Variants in SFRP1 observed in about 807,000 individuals in gnomAD.
The protein encoded by SFRP1 is secreted frizzled related protein 1, also known as secreted frizzled-related protein 1.
SFRP1 carries 9 observed loss-of-function variants against 25.9 expected under a neutral mutation model. The observed-to-expected ratio is 0.35, with a 90% CI of 0.21 to 0.61. SFRP1 has a LOEUF of 0.61. Ranked by LOEUF, SFRP1 falls within the 20% of genes least tolerant of loss-of-function variation. The pLI is 0.78. For missense variants in SFRP1, 346 were observed against 418.2 expected, an observed-to-expected ratio of 0.83 and a Z score of 1.51; for synonymous variants, 178 against 174.0, an observed-to-expected ratio of 1.02 and a Z score of -0.18.
intron 1 of SFRP1, among the ~76,000 whole-genome samples, chr8:41,304,787 A>T (rs1055044270): frequency 6.6e-6 from 1 of 151,268 alleles, no homozygotes; most frequent in Non-Finnish European, 1.5e-5. Context: ...CCCATAGACC[A>T]CTCCCTACTT....
Position 41,308,727 on chromosome 8 carries a change from G to T in SFRP1, c.433C>A (p.Gln145Lys). ...TCGGGCCAGTAGAAGCCGAAGAACT[G>T]CATGACCGGCTCGCACGAGTCGCGC... The part of the protein sequence containing the change: ...AVRDSCEPVM[Q>K]FFGFYWPEML... The change falls in exon 1 of 3, where the codon CAG (glutamine) becomes AAG (lysine). Residue 145 changes from glutamine to lysine, a missense_variant. Gln to Lys is a moderately conservative substitution (Grantham distance 53). Coordinates refer to ENST00000220772, the MANE Select transcript of SFRP1 (RefSeq NM_003012.5). 1 of 1,610,606 alleles carries T rather than the reference G, an allele frequency of 6.2e-7. No individual in the cohort carries two copies. Among genetic ancestry groups the T allele is most frequent in the Non-Finnish European group, 8.5e-7 (1 of 1,178,458 alleles).
chr8:41,284,665 C>T (rs183248150), intron 2 of SFRP1, among the ~76,000 whole-genome samples: 15 of 152,314 alleles, frequency 9.8e-5, no homozygotes, highest in Admixed American at 6.5e-4. Context: ...GCCTGCAGGG[C>T]CCACACCTGC....
At chr8:41,306,763 C>G (rs767952769) in intron 1 of SFRP1, 1 of 1,598,076 alleles carries the variant, frequency 6.3e-7, no homozygotes, top group East Asian at 2.2e-5. Flanking sequence ...GAGGACGGTT[C>G]CAAGCCAGGC....
At chr8:41,279,271 G>A (rs943389472) in intron 2 of SFRP1, among the ~76,000 whole-genome samples, 3 of 152,182 alleles carry the variant, frequency 2.0e-5, no homozygotes, top group Middle Eastern at 3.4e-3. Flanking sequence ...AGACTCACTC[G>A]CCAGACTGGA....
intron 2 of SFRP1, among the ~76,000 whole-genome samples, chr8:41,266,542 T>C (rs1803437916): frequency 6.6e-6 from 1 of 151,486 alleles, no homozygotes; most frequent in Non-Finnish European, 1.5e-5. Context: ...CTCAAGCAAT[T>C]CTCCCACCTC....
At chr8:41,274,406 G>T (rs1803547795) in intron 2 of SFRP1, among the ~76,000 whole-genome samples, 1 of 152,090 alleles carries the variant, frequency 6.6e-6, no homozygotes, top group Admixed American at 6.6e-5. Flanking sequence ...AAAACAAAAT[G>T]ATGTAAAAGA....
At chr8:41,281,432 A>C (rs1311013781) in intron 2 of SFRP1, among the ~76,000 whole-genome samples, 1 of 152,246 alleles carries the variant, frequency 6.6e-6, no homozygotes, top group Non-Finnish European at 1.5e-5. Context: ...GACAAATGTC[A>C]GCTTGCACTC....
At chr8:41,307,464 AG>A (rs1198478909) in intron 1 of SFRP1, among the ~76,000 whole-genome samples, 1 of 152,146 alleles carries the variant, frequency 6.6e-6, no homozygotes, top group East Asian at 1.9e-4. Flanking sequence ...TCAATAACAG[AG>A]GTTAAAGACA....
intron 2 of SFRP1, among the ~76,000 whole-genome samples, chr8:41,269,555 A>G (rs1306814902): frequency 6.6e-6 from 1 of 152,186 alleles, no homozygotes; most frequent in Non-Finnish European, 1.5e-5. Flanking sequence ...TTATTTGGGA[A>G]GCTGAAATGA....
At chr8:41,277,220 C>G (rs1042185446) in intron 2 of SFRP1, among the ~76,000 whole-genome samples, 1 of 151,576 alleles carries the variant, frequency 6.6e-6, no homozygotes, top group Non-Finnish European at 1.5e-5. Context: ...CCCAGCCCCC[C>G]ACCCTCACCA....
rs548596413 is a variant in SFRP1 at position 41,277,463 on chromosome 8, G to A, written c.623-11974C>T. Among the ~76,000 whole-genome samples, 9 of 152,250 alleles carry A rather than the reference G, an allele frequency of 5.9e-5. No individual in the cohort carries two copies. The South Asian group carries it at 1.9e-3, about 32-fold the overall frequency. The stretch of plus-strand genomic sequence containing the variant: ...CCTGGGAGGGAAAAGATGGGGAGTG[G>A]GCTACAGAAAAGGCAAAAACTATCC... On this transcript the variant is annotated intron_variant, in intron 2 of 2. Coordinates refer to ENST00000220772, the MANE Select transcript of SFRP1 (RefSeq NM_003012.5).
At chr8:41,273,416 C>T (rs1398762030) in intron 2 of SFRP1, among the ~76,000 whole-genome samples, 1 of 151,846 alleles carries the variant, frequency 6.6e-6, no homozygotes, top group Non-Finnish European at 1.5e-5. Flanking sequence ...TGCTTGAACT[C>T]GGGAGGCAGA....
chr8:41,276,991 CCTG>C (rs1334816915), intron 2 of SFRP1: 9 of 456,238 alleles, frequency 2.0e-5, no homozygotes, highest in Non-Finnish European at 3.1e-5. Context: ...CATCCAGAAT[CCTG>C]CTGCTAACTG....
At chr8:41,295,393 G>A (rs973358904) in intron 2 of SFRP1, among the ~76,000 whole-genome samples, 1 of 152,050 alleles carries the variant, frequency 6.6e-6, no homozygotes, top group Admixed American at 6.6e-5. Context: ...GCCGAGCATG[G>A]TGGTGGGCGC....
chr8:41,270,003 G>A (rs968302420), intron 2 of SFRP1, among the ~76,000 whole-genome samples: 1 of 152,174 alleles, frequency 6.6e-6, no homozygotes, highest in Non-Finnish European at 1.5e-5. Flanking sequence ...TTTAAATGGA[G>A]GAAACACCCC....
chr8:41,300,236 G>A (rs990807758), intron 2 of SFRP1, among the ~76,000 whole-genome samples: 2 of 152,226 alleles, frequency 1.3e-5, no homozygotes, highest in African/African-American at 4.8e-5. Context: ...TGCTAACTGT[G>A]AAAGCTGATG....
intron 2 of SFRP1, 114 bp from the exon 3 acceptor site, chr8:41,265,603 C>A: frequency 1.4e-6 from 1 of 707,126 alleles, no homozygotes; most frequent in Non-Finnish European, 2.2e-6. Flanking sequence ...TATTTTTTGG[C>A]TTATACTTTC....
At chr8:41,269,288 C>T (rs1481934832) in intron 2 of SFRP1, among the ~76,000 whole-genome samples, 1 of 152,062 alleles carries the variant, frequency 6.6e-6, no homozygotes, top group African/African-American at 2.4e-5. Flanking sequence ...TCTTAAGCAA[C>T]AATTTTAACA....
chr8:41,271,003 T>C lies in SFRP1; in HGVS notation c.623-5514A>G, dbSNP rs1803498377. 7 of 153,992 alleles carry C rather than the reference T, an allele frequency of 4.5e-5. No individual in the cohort carries two copies. The South Asian group carries it at 1.2e-3, about 27-fold the overall frequency. The allele number at this position is 153,992 out of a possible 1,614,324, so 9.5% of individuals were successfully genotyped here. The stretch of plus-strand genomic sequence containing the variant: ...ATGAGACACTCGGGTCTTAGAACAC[T>C]ACATTTATATGCCTGTGTCAGAGGA... On this transcript the variant is annotated intron_variant, in intron 2 of 2. Coordinates refer to ENST00000220772, the MANE Select transcript of SFRP1 (RefSeq NM_003012.5).
Sources: gnomAD v4.1 joint callset for allele counts (sites outside exome capture counted in the v4.1 genomes callset) on GRCh38, gnomAD v4.1.1 for gene constraint, MANE v1.5 for transcripts, NCBI Gene and HGNC (gene_info 2026-07-23, HGNC 2026-07-21) for gene names.